MYO7B: variants seen among roughly 807,000 people sequenced by gnomAD.
MYO7B encodes the protein unconventional myosin-VIIb.
Under a neutral mutation model 259.7 loss-of-function variants are expected in MYO7B, and 212 were observed. The ratio of observed to expected loss-of-function variants is 0.82; its 90% CI spans 0.73 to 0.91. MYO7B has a LOEUF of 0.91. Ranked by LOEUF, MYO7B falls within the 40% of genes least tolerant of loss-of-function variation. MYO7B has a pLI of 0.00. For missense variants in MYO7B, 2,732 were observed against 2,813.5 expected (o/e 0.97, Z 0.66); for synonymous variants, 1,197 against 1,166.4 (o/e 1.03, Z -0.54).
chr2:127,594,443 T>C (rs939495372), intron 18 of MYO7B, among the ~76,000 whole-genome samples: 4 of 152,220 alleles, frequency 2.6e-5, no homozygotes, highest in Admixed American at 6.5e-5. Flanking sequence ...CAGAGGGACG[T>C]CCTGGCCCCA....
At chr2:127,573,785 C>T (rs954582532) in intron 6 of MYO7B, 135 bp from the exon 7 acceptor site, 4 of 1,175,748 alleles carry the variant, frequency 3.4e-6, no homozygotes, top group Non-Finnish European at 3.5e-6. Flanking sequence ...GCTTCCGTCA[C>T]TGTCTGGTGC....
At position 127,636,511 on chromosome 2, in the gene MYO7B, G is replaced by T. The variant is rs201420945; in HGVS notation, c.6124-34G>T. On this transcript the variant is annotated intron_variant, in intron 45 of 47. Coordinates refer to ENST00000409816, the MANE Select transcript of MYO7B (RefSeq NM_001393586.1). This position sits in a 1 kb window ranked among gnomAD's most constrained non-coding sequence, Gnocchi z 4.5. Reference sequence around the variant, plus strand: ...TGGGAGGTGCAGCCTGGCCTCCCGGGCTGGACTATGACCGCCGTGTCCCTC... The same window carrying T: ...TGGGAGGTGCAGCCTGGCCTCCCGGTCTGGACTATGACCGCCGTGTCCCTC... The T allele has an allele frequency of 1.9e-5, 30 of 1,589,050 alleles. No individual in the cohort carries two copies. The highest frequency in any genetic ancestry group is 2.3e-5 in the Non-Finnish European group (27 of 1,166,454).
rs1248201254 is a variant in MYO7B at position 127,582,561 on chromosome 2, TC to T, written c.1343+118del. ...TCACCCTGCACCCAGGCCTGGCGAGTCCCACCAGATCCGTGTGCTCTGCATG... is the reference window on the plus strand; with the variant it reads ...TCACCCTGCACCCAGGCCTGGCGAGTCCACCAGATCCGTGTGCTCTGCATG... On this transcript the variant is annotated intron_variant, in intron 12 of 47. Coordinates refer to ENST00000409816, the MANE Select transcript of MYO7B (RefSeq NM_001393586.1). 7 of 1,238,470 alleles carry T rather than the reference TC, an allele frequency of 5.7e-6. No individual in the cohort carries two copies. The African/African-American group carries it at 7.5e-5, about 13-fold the overall frequency. The allele number at this position is 1,238,470 out of a possible 1,614,324, so 76.7% of individuals were successfully genotyped here. A position where few individuals can be genotyped will look rare whatever the true frequency, so the allele number is the denominator to read the frequency against.
At position 127,629,749 on chromosome 2, in the gene MYO7B, A is replaced by G. The variant is rs1382507364; in HGVS notation, c.4729A>G (p.Thr1577Ala). Residue 1577 changes from threonine (T) to alanine (A), a missense_variant, in exon 35 of 48, where the codon ACA becomes GCA. By Grantham distance (58) the Thr-to-Ala change is moderately conservative (BLOSUM62 0). Transcript: ENST00000409816. ...CTGGACCCTCGGCCAGAACGACAGG[A>G]CAGGCAAGACGGGGCTGGTGCCCAT... ...ENWTLGQNDRTGKTGLVPMAC... is the reference protein window; with the variant it reads ...ENWTLGQNDRAGKTGLVPMAC... 6.2e-7 allele frequency: 1 copy of G among 1,611,946 alleles called. No individual in the cohort carries two copies. The highest frequency in any genetic ancestry group is 1.7e-5 in the Admixed American group (1 of 59,860).
At chr2:127,618,370 G>A (rs2105064475) in intron 26 of MYO7B, among the ~76,000 whole-genome samples, 1 of 152,304 alleles carries the variant, frequency 6.6e-6, no homozygotes, top group African/African-American at 2.4e-5. Context: ...CCCACCCCAA[G>A]CTTCTTCAGC....
intron 1 of MYO7B, among the ~76,000 whole-genome samples, chr2:127,549,286 A>G (rs1693359909): frequency 6.6e-6 from 1 of 152,030 alleles, no homozygotes; most frequent in South Asian, 2.1e-4. Context: ...CATTTCTCCA[A>G]CACTTTACTT....
rs1457857430 is a variant in MYO7B at position 127,609,984 on chromosome 2, G to T, written c.3160G>T (p.Ala1054Ser). 1.2e-6 allele frequency: 2 copies of T among 1,608,962 alleles called. No individual in the cohort carries two copies. The highest frequency in any genetic ancestry group is 1.7e-6 in the Non-Finnish European group (2 of 1,177,864). Reference sequence around the variant, plus strand: ...TGACACGCTGGGCAGGGAGCACGGTGCCCAGGTTCCACAGCACAGTAGATC... The same window carrying T: ...TGACACGCTGGGCAGGGAGCACGGTTCCCAGGTTCCACAGCACAGTAGATC... ...IHDTLGREHGAQVPQHSRSAQ... is the reference protein window; with the variant it reads ...IHDTLGREHGSQVPQHSRSAQ... The change falls in exon 24 of 48, where the codon GCC becomes TCC. Residue 1054 changes from alanine to serine, a missense_variant. This residue lies in a region of MYO7B where 1,906 missense variants were observed against 2,026.4 expected (regional missense o/e 0.94). Coordinates refer to ENST00000409816, the MANE Select transcript of MYO7B (RefSeq NM_001393586.1). This position sits in a 1 kb window ranked among gnomAD's most constrained non-coding sequence, Gnocchi z 6.9.
intron 1 of MYO7B, among the ~76,000 whole-genome samples, chr2:127,556,528 A>G (rs961189835): frequency 3.9e-5 from 6 of 152,188 alleles, no homozygotes; most frequent in African/African-American, 1.4e-4. Context: ...ATGTGTTTCC[A>G]GGATTTGTTT....
chr2:127,634,449 G>C lies in MYO7B; in HGVS notation c.5626-147G>C, dbSNP rs2105146632. The stretch of plus-strand genomic sequence containing the variant: ...GAGGTAGGTGGGGTCCTGGAGCAGA[G>C]CCAGCTCCACACGCCAATAGCCCAC... On this transcript the variant is annotated intron_variant, in intron 41 of 47. Transcript: ENST00000409816. 15 of 881,394 alleles carry C rather than the reference G, an allele frequency of 1.7e-5. No homozygotes were observed. The South Asian group carries it at 2.5e-4, about 15-fold the overall frequency. 54.6% of individuals were successfully genotyped at this position (881,394 alleles called of 1,614,324 possible). A position where few individuals can be genotyped will look rare whatever the true frequency, so the allele number is the denominator to read the frequency against.
chr2:127,630,951 C>T (rs1681460771), intron 36 of MYO7B, 43 bp downstream of exon 36: 1 of 1,519,356 alleles, frequency 6.6e-7, no homozygotes. Flanking sequence ...CCCCACCTCC[C>T]AGCCCCACCT....
chr2:127,632,896 C>G (rs756431709), intron 39 of MYO7B, among the ~76,000 whole-genome samples: 8 of 152,190 alleles, frequency 5.3e-5, no homozygotes, highest in Non-Finnish European at 8.8e-5. Context: ...GCCGTGGTCA[C>G]AGAGAGAGGT....
rs1558849134 is a variant in MYO7B, at chr2:127,628,432, GT to G, written c.4522del (p.Ser1508HisfsTer18). 6.3e-7 allele frequency: 1 copy of G among 1,595,860 alleles called. No homozygotes were observed. Among genetic ancestry groups the G allele is most frequent in the Non-Finnish European group, 8.5e-7 (1 of 1,172,812 alleles). On this transcript the variant is annotated frameshift_variant, in exon 34 of 48. Coordinates refer to ENST00000409816, the MANE Select transcript of MYO7B (RefSeq NM_001393586.1). LOFTEE classifies it high-confidence loss of function. The surrounding 1 kb of genome is among the most constrained non-coding windows in gnomAD (Gnocchi z 4.8). ...STMHEEYEFV[S>X]PSSVAIAELV... ...CGATGCATGAGGAGTACGAGTTTGT[GT>G]CACCCAGCAGTGTGGCCATCGCTGA... is the stretch of plus-strand genomic sequence containing the variant.
intron 6 of MYO7B, 149 bp downstream of exon 6, chr2:127,570,059 G>T (rs546746185): frequency 1.8e-5 from 18 of 1,013,484 alleles, no homozygotes; most frequent in East Asian, 5.6e-5. Flanking sequence ...TGGGGTGCAT[G>T]GTAGGGGAAG....
chr2:127,622,124 G>A (rs1415033642), intron 28 of MYO7B, 23 bp downstream of exon 28: 4 of 1,544,050 alleles, frequency 2.6e-6, no homozygotes, highest in Admixed American at 3.9e-5. Flanking sequence ...AGGGGTGAGA[G>A]CGGGCAGGGT....
rs1250427824 is a variant in MYO7B at position 127,629,777 on chromosome 2, C to T, written c.4757C>T (p.Ala1586Val). 6 of 1,607,348 alleles carry T rather than the reference C, an allele frequency of 3.7e-6. No individual in the cohort carries two copies. The highest frequency in any genetic ancestry group is 5.1e-6 in the Non-Finnish European group (6 of 1,176,782). Residue 1586 changes from alanine (A) to valine (V), a missense_variant, in exon 35 of 48, where the codon GCC becomes GTC. By Grantham distance (64) the Ala-to-Val change is moderately conservative. Transcript: ENST00000409816. ...GGCAAGACGGGGCTGGTGCCCATGG[C>T]CTGCCTCTACACCATCCCCACGGTC... Reference protein sequence around the residue: ...RTGKTGLVPMACLYTIPTVTK... With the variant: ...RTGKTGLVPMVCLYTIPTVTK...
chr2:127,592,727 G>A (rs1679605109), intron 16 of MYO7B, 67 bp from the exon 17 acceptor site: 3 of 1,547,748 alleles, frequency 1.9e-6, no homozygotes, highest in African/African-American at 2.7e-5. Flanking sequence ...CGGTGGTGGG[G>A]TGCCGGGAAG....
chr2:127,612,725 C>A, intron 26 of MYO7B, 122 bp downstream of exon 26: 2 of 1,423,090 alleles, frequency 1.4e-6, no homozygotes, highest in Non-Finnish European at 9.3e-7. Flanking sequence ...GGCCTGCAGG[C>A]TGGGTCTCAG....
intron 3 of MYO7B, among the ~76,000 whole-genome samples, chr2:127,564,496 C>A (rs887492255): frequency 6.6e-6 from 1 of 152,100 alleles, no homozygotes; most frequent in Admixed American, 6.5e-5. Flanking sequence ...TCTGGAAGGG[C>A]CAGAGGGGCA....
intron 39 of MYO7B, 141 bp downstream of exon 39, chr2:127,632,542 G>C: frequency 8.6e-7 from 1 of 1,158,382 alleles, no homozygotes; most frequent in Non-Finnish European, 1.2e-6. Context: ...GGCAGGATTG[G>C]GCCCCGAGCT....
Sources: allele counts gnomAD v4.1 joint callset (sites outside exome capture counted in the v4.1 genomes callset), GRCh38; gene constraint gnomAD v4.1.1; regional missense constraint gnomAD v4.1.1; non-coding constraint Gnocchi (gnomAD v3.1); transcripts MANE v1.5; gene names NCBI Gene and HGNC (gene_info 2026-07-23, HGNC 2026-07-21).